The following OR1L6 variants were observed in gnomAD, a reference collection of about 807,000 sequenced individuals.
OR1L6 encodes olfactory receptor 1L6.
Under a neutral mutation model 3.0 loss-of-function variants are expected in OR1L6, and 2 were observed. The ratio of observed to expected loss-of-function variants is 0.68; its 90% CI spans 0.28 to 2.13. The LOEUF (loss-of-function observed/expected upper bound fraction) is 2.13. Ranked by LOEUF, OR1L6 falls within the 30% of genes most tolerant of loss-of-function variation. The probability of loss-of-function intolerance (pLI) is 0.14; values close to 1 mark genes in which losing one functional copy is unlikely to be tolerated. For synonymous variants in OR1L6, 121 were observed against 148.4 expected, an observed-to-expected ratio of 0.82 and a Z score of 1.34; for missense variants, 304 against 378.4, an observed-to-expected ratio of 0.80 and a Z score of 1.63.
chr9:122,747,567 T>C (rs943580728), intron 1 of OR1L6, among the ~76,000 whole-genome samples: 2 of 152,088 alleles, frequency 1.3e-5, no homozygotes, highest in Non-Finnish European at 2.9e-5. Context: ...TCTCTGTTTA[T>C]TTAGATCTTC....
chr9:122,746,565 A>G (rs1828839373), intron 1 of OR1L6, among the ~76,000 whole-genome samples: 1 of 152,216 alleles, frequency 6.6e-6, no homozygotes, highest in Non-Finnish European at 1.5e-5. Context: ...ATCACAATAA[A>G]ATGTCTGTAC....
chr9:122,747,373 T>C lies in OR1L6; in HGVS notation c.-13-2462T>C, dbSNP rs372131228. 4.1e-4 allele frequency among the ~76,000 whole-genome samples: 63 copies of C among 152,214 alleles called. 2 individuals are homozygous for C. Among genetic ancestry groups the C allele is most frequent in the African/African-American group, 1.5e-3 (62 of 41,572 alleles). On this transcript the variant is annotated intron_variant, in intron 1 of 1. Coordinates refer to ENST00000304720, the MANE Select transcript of OR1L6 (RefSeq NM_001004453.3). ...GTAATTTGATTGGGGTTAGAAAAGT[T>C]CCCTGAAATTGTTCTAATTTTTTTC...
At chr9:122,749,504 A>AT (rs1014426052) in intron 1 of OR1L6, among the ~76,000 whole-genome samples, 14 of 152,130 alleles carry the variant, frequency 9.2e-5, no homozygotes, top group African/African-American at 3.1e-4. Flanking sequence ...TAAAGTAAAT[A>AT]TTTTTTAAAA....
Position 122,750,765 on chromosome 9 carries a change from G to C in OR1L6, c.918G>C (p.Gln306His). ...TGAAGAGGGGTTTGAAGAAATTACA[G>C]GACAGAATTTACCGGTAAAAGGAAC... ...KDMKRGLKKL[Q>H]DRIYR The change falls in exon 2 of 2, where the codon CAG becomes CAC. Residue 306 changes from glutamine (Q) to histidine (H), a missense_variant. Transcript: ENST00000304720. The C allele has an allele frequency of 6.2e-7, 1 of 1,606,380 alleles. No individual in the cohort carries two copies. The highest frequency in any genetic ancestry group is 8.5e-7 in the Non-Finnish European group (1 of 1,176,686).
intron 1 of OR1L6, 55 bp from the exon 2 acceptor site, chr9:122,749,780 T>C (rs1828871125): frequency 6.7e-7 from 1 of 1,486,166 alleles, no homozygotes; most frequent in Non-Finnish European, 9.4e-7. Context: ...AAAGAAGCTG[T>C]CTTGGTCAAA....
chr9:122,744,662 G>C (rs1828817660), intron 1 of OR1L6, among the ~76,000 whole-genome samples: 1 of 152,150 alleles, frequency 6.6e-6, no homozygotes, highest in African/African-American at 2.4e-5. Context: ...ACCACCTGAT[G>C]GCAAGACCCA....
chr9:122,750,534 C>A lies in OR1L6; in HGVS notation c.687C>A (p.Ile229=). The change falls in exon 2 of 2, where the codon ATC becomes ATA. Residue 229 remains isoleucine (I), a synonymous_variant. Transcript: ENST00000304720. ...YLRIMVTVLR[I]PSAAGKWKAF... ...GAATCATGGTCACTGTGCTCAGAAT[C>A]CCCTCTGCAGCCGGGAAGTGGAAGG... is the stretch of plus-strand genomic sequence containing the variant. 3 of 1,524,690 alleles carry A rather than the reference C, an allele frequency of 2.0e-6. No homozygotes were observed. The highest frequency in any genetic ancestry group is 1.1e-5 in the South Asian group (1 of 87,816). 94.4% of individuals were successfully genotyped at this position (1,524,690 alleles called of 1,614,324 possible).
Position 122,750,236 on chromosome 9 carries a change from C to G in OR1L6, c.389C>G (p.Pro130Arg), listed in dbSNP as rs761163038. 7 of 1,614,070 alleles carry G rather than the reference C, an allele frequency of 4.3e-6. No homozygotes were observed. The highest frequency in any genetic ancestry group is 4.0e-5 in the African/African-American group (3 of 75,014). Residue 130 changes from proline to arginine, a missense_variant, in exon 2 of 2, where the codon CCC (proline) becomes CGC (arginine). This residue lies in a region of OR1L6 where 192 missense variants were observed against 242.7 expected (regional missense o/e 0.79). Transcript: ENST00000304720. ...AIDRLVAICN[P>R]LHYDVVMKPR... ...GACCGGCTGGTGGCCATCTGCAACC[C>G]CTTACACTATGATGTGGTTATGAAA... is the stretch of plus-strand genomic sequence containing the variant.
At chr9:122,743,546 A>C (rs1225360464) in intron 1 of OR1L6, among the ~76,000 whole-genome samples, 1 of 152,172 alleles carries the variant, frequency 6.6e-6, no homozygotes, top group Non-Finnish European at 1.5e-5. Flanking sequence ...GGGTCTATGC[A>C]CCCAACACTG....
rs540963336 is a variant in OR1L6, at chr9:122,745,589, T to A, written c.-14+3216T>A. Among the ~76,000 whole-genome samples the A allele has an allele frequency of 5.3e-5, 8 of 151,968 alleles. No homozygotes were observed. The South Asian group carries it at 1.7e-3, about 32-fold the overall frequency. ...CACAACGCCCAGCTAAGTTTTTGTA[T>A]TTTTAGTAGAGACGGGGTTTCACCG... On this transcript the variant is annotated intron_variant, in intron 1 of 1. Transcript: ENST00000304720.
At position 122,750,765 on chromosome 9, in the gene OR1L6, G is replaced by A; in HGVS notation, c.918G>A (p.Gln306=). 1 of 1,606,380 alleles carries A rather than the reference G, an allele frequency of 6.2e-7. No homozygotes were observed. The change falls in exon 2 of 2, where the codon CAG becomes CAA. Residue 306 remains glutamine (Q), a synonymous_variant. Coordinates refer to ENST00000304720, the MANE Select transcript of OR1L6 (RefSeq NM_001004453.3). The part of the protein sequence containing the change: ...KDMKRGLKKL[Q]DRIYR ...TGAAGAGGGGTTTGAAGAAATTACA[G>A]GACAGAATTTACCGGTAAAAGGAAC... is the stretch of plus-strand genomic sequence containing the variant.
intron 1 of OR1L6, among the ~76,000 whole-genome samples, chr9:122,749,206 T>C (rs1474890100): frequency 1.3e-5 from 2 of 152,262 alleles, no homozygotes; most frequent in African/African-American, 4.8e-5. Flanking sequence ...CCAGCTTTGT[T>C]CTTTTTTCTT....
chr9:122,748,149 CAAACAG>C (rs1828854349), intron 1 of OR1L6, among the ~76,000 whole-genome samples: 1 of 152,018 alleles, frequency 6.6e-6, no homozygotes, highest in African/African-American at 2.4e-5. Flanking sequence ...TCATATTAAC[CAAACAG>C]AAAGGTTTAA....
Position 122,750,198 on chromosome 9 carries a change from C to T in OR1L6, c.351C>T (p.Ala117=), listed in dbSNP as rs754103572. The T allele has an allele frequency of 6.2e-7, 1 of 1,613,994 alleles. No individual in the cohort carries two copies. Among genetic ancestry groups the T allele is most frequent in the South Asian group, 1.1e-5 (1 of 91,056 alleles). ...GGAACACTGACAGCTACCTGCTGGC[C>T]TCTATGGCCATCGACCGGCTGGTGG... The part of the protein sequence containing the change: ...AFGNTDSYLL[A]SMAIDRLVAI... Residue 117 remains alanine (A), a synonymous_variant, in exon 2 of 2, where the codon GCC becomes GCT. Transcript: ENST00000304720.
At chr9:122,742,823 T>C (rs1828803505) in intron 1 of OR1L6, among the ~76,000 whole-genome samples, 1 of 152,224 alleles carries the variant, frequency 6.6e-6, no homozygotes, top group Non-Finnish European at 1.5e-5. Context: ...TTAGTGTATG[T>C]CAAGTTTGTC....
chr9:122,750,317 C>T lies in OR1L6; in HGVS notation c.470C>T (p.Ser157Phe), dbSNP rs1257645141. 4.3e-6 allele frequency: 7 copies of T among 1,613,794 alleles called. No individual in the cohort carries two copies. The highest frequency in any genetic ancestry group is 4.0e-5 in the African/African-American group (3 of 74,830). The change falls in exon 2 of 2, where the codon TCC (serine) becomes TTC (phenylalanine). Residue 157 changes from serine to phenylalanine, a missense_variant. Ser to Phe is a radical substitution (Grantham distance 155, BLOSUM62 -2). Around this residue, in one of 3 missense-constraint regions of OR1L6, gnomAD observed 192 missense variants for 242.7 expected, o/e 0.79. Coordinates refer to ENST00000304720, the MANE Select transcript of OR1L6 (RefSeq NM_001004453.3). ...LGSCSISHLHSLFRVLLMSRL... is the reference protein window; with the variant it reads ...LGSCSISHLHFLFRVLLMSRL... ...TCTTGCAGCATCTCCCACCTACATT[C>T]CCTGTTCCGCGTGCTACTTATGTCT...
Position 122,750,504 on chromosome 9 carries a change from C to T in OR1L6, c.657C>T (p.Tyr219=), listed in dbSNP as rs774619074. 29 of 778,276 alleles carry T rather than the reference C, an allele frequency of 3.7e-5. No individual in the cohort carries two copies. The highest frequency in any genetic ancestry group is 5.8e-5 in the Non-Finnish European group (27 of 467,666). The allele number at this position is 778,276 out of a possible 1,614,324, so 48.2% of individuals were successfully genotyped here. A position where few individuals can be genotyped will look rare whatever the true frequency, so the allele number is the denominator to read the frequency against. Residue 219 remains tyrosine, a synonymous_variant, in exon 2 of 2, where the codon TAC becomes TAT. Coordinates refer to ENST00000304720, the MANE Select transcript of OR1L6 (RefSeq NM_001004453.3). ...VTPFLCIIFS[Y]LRIMVTVLRI... ...CCTTCCTGTGTATCATCTTCTCCTA[C>T]CTGCGAATCATGGTCACTGTGCTCA...
At chr9:122,742,454 G>C in intron 1 of OR1L6, 81 bp downstream of exon 1, 1 of 152,088 alleles carries the variant, frequency 6.6e-6, no homozygotes, top group East Asian at 1.9e-4. Flanking sequence ...TCCTTATCCT[G>C]TTTTTCTCTC....
intron 1 of OR1L6, among the ~76,000 whole-genome samples, chr9:122,747,798 T>C (rs1226144965): frequency 6.6e-6 from 1 of 152,086 alleles, no homozygotes; most frequent in Non-Finnish European, 1.5e-5. Context: ...ATGATTATCT[T>C]GGATTTTCTA....
Sources: gnomAD v4.1 joint callset for allele counts (sites outside exome capture counted in the v4.1 genomes callset) on GRCh38, gnomAD v4.1.1 for gene constraint, gnomAD v4.1.1 regional missense constraint, MANE v1.5 for transcripts, NCBI Gene and HGNC (gene_info 2026-07-23, HGNC 2026-07-21) for gene names.